The following WDR35 variants were observed in gnomAD, a reference collection of about 807,000 sequenced individuals.
WDR35 encodes WD repeat domain 35, also known as WD repeat-containing protein 35.
WDR35 carries 118 observed loss-of-function variants against 158.3 expected under a neutral mutation model. The observed-to-expected ratio is 0.75, with a 90% CI of 0.64 to 0.87. The LOEUF is 0.87. Among genes scored for constraint, WDR35 ranks in the 40% least tolerant of loss-of-function variants. The pLI is 0.00. For synonymous variants in WDR35, 448 were observed against 476.1 expected (o/e 0.94, Z 0.77); for missense variants, 1,263 against 1,405.8 (o/e 0.90, Z 1.62).
At chr2:19,918,574 G>GA (rs199763837) in intron 25 of WDR35, among the ~76,000 whole-genome samples, 111 of 151,084 alleles carry the variant, frequency 7.3e-4, no homozygotes, top group African/African-American at 2.3e-3. Flanking sequence ...GCAATAATAA[G>GA]AAAAAAAAGC....
chr2:19,936,742 G>A (rs1399409655), intron 19 of WDR35, among the ~76,000 whole-genome samples: 1 of 152,096 alleles, frequency 6.6e-6, no homozygotes, highest in African/African-American at 2.4e-5. Flanking sequence ...AACATTCAAA[G>A]CACCATCTTG....
chr2:19,945,996 G>C lies in WDR35; in HGVS notation c.1635C>G (p.Ser545Arg), dbSNP rs566096028. ...CTGAGATGTCTATGATAGCAAGACGGCTAAAAACAATGCAATTAGAGAAAA... is the reference window on the plus strand; with the variant it reads ...CTGAGATGTCTATGATAGCAAGACGCCTAAAAACAATGCAATTAGAGAAAA... ...AYQLSLNCNSSRLAIIDISGV... is the reference protein window; with the variant it reads ...AYQLSLNCNSRRLAIIDISGV... Residue 545 changes from serine to arginine, a missense_variant and splice_region_variant, in exon 16 of 27, where the codon AGC (serine) becomes AGG (arginine). Physicochemically the swap from Ser to Arg is moderately radical, Grantham distance 110. Coordinates refer to ENST00000281405, the MANE Select transcript of WDR35 (RefSeq NM_020779.4). 1 of 1,613,386 alleles carries C rather than the reference G, an allele frequency of 6.2e-7. No homozygotes were observed. Among genetic ancestry groups the C allele is most frequent in the South Asian group, 1.1e-5 (1 of 90,958 alleles).
chr2:19,945,764 A>G (rs187081507), intron 16 of WDR35, 22 bp downstream of exon 16: 1 of 1,612,948 alleles, frequency 6.2e-7, no homozygotes, highest in Admixed American at 1.7e-5. Flanking sequence ...ATAGACTGTT[A>G]ACACTCATTT....
chr2:19,916,638 C>T (rs572314076), intron 25 of WDR35, among the ~76,000 whole-genome samples: 20 of 152,278 alleles, frequency 1.3e-4, no homozygotes, highest in Non-Finnish European at 2.5e-4. Flanking sequence ...TGAAACTGGG[C>T]GGAGCCCACC....
chr2:19,913,717 C>T lies in WDR35; in HGVS notation c.3363-9G>A, dbSNP rs375053867. On this transcript the variant is annotated splice_polypyrimidine_tract_variant and intron_variant, in intron 26 of 26. Transcript: ENST00000281405. ...GCAGTTTCCCTTCTCCACTGTAAAA[C>T]GGGGAGAAACAATTCATTATACTTT... 23 of 1,613,622 alleles carry T rather than the reference C, an allele frequency of 1.4e-5. No individual in the cohort carries two copies. The highest frequency in any genetic ancestry group is 2.2e-5 in the East Asian group (1 of 44,870).
At chr2:19,969,748 ATTTTT>A (rs61079224) in intron 8 of WDR35, 143 bp from the exon 9 acceptor site, 73 of 619,582 alleles carry the variant, frequency 1.2e-4, no homozygotes, top group African/African-American at 1.1e-3. Context: ...TGTTTCTTGA[ATTTTT>A]TTTTTTTTTT....
At chr2:19,989,508 G>A (rs1431893743) in intron 1 of WDR35, among the ~76,000 whole-genome samples, 1 of 152,220 alleles carries the variant, frequency 6.6e-6, no homozygotes, top group Non-Finnish European at 1.5e-5. Context: ...AGTGACTGCG[G>A]AGGAAGCCAA....
intron 2 of WDR35, 46 bp downstream of exon 2, chr2:19,989,119 A>C (rs1381273916): frequency 1.3e-6 from 2 of 1,551,414 alleles, no homozygotes; most frequent in Admixed American, 3.3e-5. Context: ...TGAACAAATA[A>C]CATTAGCCAA....
chr2:19,963,950 G>T (rs1010894552), intron 10 of WDR35, among the ~76,000 whole-genome samples: 2 of 151,992 alleles, frequency 1.3e-5, no homozygotes, highest in African/African-American at 4.8e-5. Flanking sequence ...TGCCATGTTG[G>T]CCAGGCTGGT....
At chr2:19,943,664 G>A (rs1013142773) in intron 16 of WDR35, among the ~76,000 whole-genome samples, 2 of 151,888 alleles carry the variant, frequency 1.3e-5, no homozygotes, top group Non-Finnish European at 2.9e-5. Context: ...TATGAGATAT[G>A]AAAGAAACAT....
chr2:19,950,908 G>C (rs1325147187), intron 13 of WDR35, among the ~76,000 whole-genome samples: 1 of 152,142 alleles, frequency 6.6e-6, no homozygotes, highest in Non-Finnish European at 1.5e-5. Flanking sequence ...TAAGAAATGA[G>C]ACAACAGTTT....
At chr2:19,951,104 T>G (rs775812015) in intron 13 of WDR35, among the ~76,000 whole-genome samples, 26 of 152,176 alleles carry the variant, frequency 1.7e-4, no homozygotes, top group Non-Finnish European at 2.2e-4. Flanking sequence ...CATGGTCAAC[T>G]GATAGACAGA....
chr2:19,919,404 G>A (rs796908820), intron 25 of WDR35, among the ~76,000 whole-genome samples: 179 of 127,804 alleles, frequency 1.4e-3, no homozygotes, highest in East Asian at 1.9e-3. Flanking sequence ...AAAAAGAAAA[G>A]AAAAAGAAAA....
chr2:19,974,470 T>G lies in WDR35; in HGVS notation c.734A>C (p.Gln245Pro). 6.3e-7 allele frequency: 1 copy of G among 1,597,322 alleles called. No individual in the cohort carries two copies. The highest frequency in any genetic ancestry group is 8.5e-7 in the Non-Finnish European group (1 of 1,173,946). The change falls in exon 7 of 27, where the codon CAA becomes CCA. Residue 245 changes from glutamine to proline, a missense_variant and splice_region_variant. Gln to Pro is a moderately conservative substitution (Grantham distance 76, BLOSUM62 -1). Coordinates refer to ENST00000281405, the MANE Select transcript of WDR35 (RefSeq NM_020779.4). ...TTTTAAACAGAAAAATTCCTTACTT[T>G]GGTCATTCTCATGTCTCATTATTTG... ...RCQIMRHEND[Q>P]NPVLIDTGMY...
At chr2:19,984,441 T>A (rs552930573) in intron 2 of WDR35, among the ~76,000 whole-genome samples, 7 of 152,324 alleles carry the variant, frequency 4.6e-5, no homozygotes, top group African/African-American at 1.4e-4. Context: ...CAAACTGGTA[T>A]GTGAACAAAA....
intron 10 of WDR35, among the ~76,000 whole-genome samples, chr2:19,966,129 CA>C (rs554335075): frequency 6.4e-4 from 98 of 152,208 alleles, no homozygotes; most frequent in African/African-American, 2.1e-3. Flanking sequence ...TCACCTTTAA[CA>C]AAAAACTCTA....
At chr2:19,918,718 C>A (rs778178391) in intron 25 of WDR35, among the ~76,000 whole-genome samples, 98 of 152,092 alleles carry the variant, frequency 6.4e-4, no homozygotes, top group Non-Finnish European at 1.1e-3. Context: ...ATATATGGAC[C>A]CAATACAGGA....
chr2:19,932,470 C>T, intron 22 of WDR35, 23 bp from the exon 23 acceptor site: 1 of 1,612,782 alleles, frequency 6.2e-7, no homozygotes, highest in South Asian at 1.1e-5. Context: ...TTACACCATT[C>T]AGTCACCCAA....
chr2:19,976,416 C>T (rs1672213160), intron 5 of WDR35, among the ~76,000 whole-genome samples: 1 of 152,200 alleles, frequency 6.6e-6, no homozygotes, highest in Non-Finnish European at 1.5e-5. Context: ...TCCATTGAAA[C>T]TGCCTACAAC....
Sources: gnomAD v4.1 joint callset for allele counts (sites outside exome capture counted in the v4.1 genomes callset) on GRCh38, gnomAD v4.1.1 for gene constraint, MANE v1.5 for transcripts, NCBI Gene and HGNC (gene_info 2026-07-23, HGNC 2026-07-21) for gene names.